TMEM135: variants seen among roughly 807,000 people sequenced by gnomAD.
The protein encoded by TMEM135 is transmembrane protein 135.
A neutral mutation model predicts 60.3 loss-of-function variants in TMEM135; 30 were observed. That is an observed-to-expected ratio of 0.50 (90% CI 0.37 to 0.68). TMEM135 has a LOEUF of 0.68. Among genes scored for constraint, TMEM135 ranks in the 30% least tolerant of loss-of-function variants. TMEM135 has a pLI of 0.00. For synonymous variants in TMEM135, 190 were observed against 186.7 expected, an observed-to-expected ratio of 1.02 and a Z score of -0.14; for missense variants, 468 against 548.8, an observed-to-expected ratio of 0.85 and a Z score of 1.47.
At chr11:87,248,819 G>A (rs1047804686) in intron 6 of TMEM135, among the ~76,000 whole-genome samples, 3 of 152,010 alleles carry the variant, frequency 2.0e-5, no homozygotes, top group African/African-American at 7.2e-5. Flanking sequence ...TCATTGTAGA[G>A]ATCTTCCATT....
intron 6 of TMEM135, among the ~76,000 whole-genome samples, chr11:87,294,756 C>A (rs944343393): frequency 5.3e-5 from 8 of 152,218 alleles, no homozygotes; most frequent in African/African-American, 1.2e-4. Context: ...AATAAATACT[C>A]AAAGTCCCTT....
intron 5 of TMEM135, among the ~76,000 whole-genome samples, chr11:87,222,249 C>A (rs1940640866): frequency 6.7e-6 from 1 of 150,084 alleles, no homozygotes. Flanking sequence ...GTAATCCCAG[C>A]ACTTTGGGTG....
chr11:87,148,665 A>T (rs1352743701), intron 4 of TMEM135, among the ~76,000 whole-genome samples: 1 of 152,174 alleles, frequency 6.6e-6, no homozygotes, highest in African/African-American at 2.4e-5. Context: ...TAAAAATCAT[A>T]TCACTAGATT....
chr11:87,146,306 A>C, intron 4 of TMEM135, among the ~76,000 whole-genome samples: 1 of 141,484 alleles, frequency 7.1e-6, no homozygotes, highest in South Asian at 2.4e-4. Flanking sequence ...AGTTGAACTC[A>C]GGAGTTTTTT....
intron 3 of TMEM135, among the ~76,000 whole-genome samples, chr11:87,091,107 A>G (rs760373115): frequency 6.6e-6 from 1 of 152,090 alleles, no homozygotes; most frequent in Admixed American, 6.6e-5. Flanking sequence ...GGAAATAGTA[A>G]TTTTAAATAT....
In TMEM135 at chr11:87,324,279, C is replaced by T. The variant is rs1188867092; in HGVS notation, c.*2946C>T. ...ACTCTCAGGGAGCTTCGTCCACTTG[C>T]CTGTGTCACAACCTCTCCCTTGGTG... On this transcript the variant is annotated 3_prime_UTR_variant, in exon 15 of 15. Transcript: ENST00000305494. 3 of 454,020 alleles carry T rather than the reference C, an allele frequency of 6.6e-6. No individual in the cohort carries two copies. The highest frequency in any genetic ancestry group is 2.3e-5 in the Admixed American group (1 of 42,560). The allele number at this position is 454,020 out of a possible 1,614,324, so 28.1% of individuals were successfully genotyped here.
Position 87,120,111 on chromosome 11 carries a change from T to G in TMEM135, c.396+28716T>G, listed in dbSNP as rs796469155. On this transcript the variant is annotated intron_variant, in intron 4 of 14. Coordinates refer to ENST00000305494, the MANE Select transcript of TMEM135 (RefSeq NM_022918.4). ...AACTTATTAGTCTGTTTTTTTCTTC[T>G]TCTTCTTTTTTTTTTTTTTTTGAGA... Among the ~76,000 whole-genome samples the G allele has an allele frequency of 7.9e-4, 77 of 97,894 alleles. 1 individual carries two copies. Among genetic ancestry groups the G allele is most frequent in the East Asian group, 2.7e-3 (6 of 2,240 alleles). The allele number at this position is 97,894 out of a possible 152,430, so 64.2% of individuals were successfully genotyped here.
chr11:87,152,714 C>T (rs1938588065), intron 4 of TMEM135, among the ~76,000 whole-genome samples: 1 of 152,244 alleles, frequency 6.6e-6, no homozygotes, highest in Non-Finnish European at 1.5e-5. Context: ...GCTGGGATTA[C>T]AGGCATGAGC....
intron 5 of TMEM135, among the ~76,000 whole-genome samples, chr11:87,158,664 C>T (rs576254745): frequency 2.6e-5 from 4 of 152,000 alleles, no homozygotes; most frequent in East Asian, 3.9e-4. Flanking sequence ...CGAGGTTTCA[C>T]CATGTTAGCC....
intron 6 of TMEM135, among the ~76,000 whole-genome samples, chr11:87,252,868 T>C (rs1164969103): frequency 2.0e-5 from 3 of 150,778 alleles, no homozygotes; most frequent in African/African-American, 7.3e-5. Context: ...AAGCCATTAT[T>C]CCTCAGAAGA....
intron 10 of TMEM135, among the ~76,000 whole-genome samples, chr11:87,310,510 A>C (rs1181851124): frequency 6.6e-6 from 1 of 151,760 alleles, no homozygotes; most frequent in African/African-American, 2.4e-5. Context: ...CAAGGATTGA[A>C]AAACTAGTGC....
intron 8 of TMEM135, 115 bp from the exon 9 acceptor site, chr11:87,305,821 C>CTG: frequency 2.1e-6 from 1 of 473,658 alleles, no homozygotes; most frequent in African/African-American, 2.2e-5. Context: ...ATGTTTTCTT[C>CTG]TCTCTCTTTT....
chr11:87,211,225 A>G (rs1940361938), intron 5 of TMEM135, among the ~76,000 whole-genome samples: 1 of 152,210 alleles, frequency 6.6e-6, no homozygotes, highest in Non-Finnish European at 1.5e-5. Flanking sequence ...ATAACACACT[A>G]CATCTTAGAA....
At chr11:87,119,027 A>G (rs1338971557) in intron 4 of TMEM135, among the ~76,000 whole-genome samples, 5 of 152,280 alleles carry the variant, frequency 3.3e-5, no homozygotes, top group African/African-American at 1.2e-4. Context: ...TCGTGTATTC[A>G]CTGTTATAGC....
At position 87,323,167 on chromosome 11, in the gene TMEM135, ATTGT is replaced by A; in HGVS notation, c.*1837_*1840del. On this transcript the variant is annotated 3_prime_UTR_variant, in exon 15 of 15. Transcript: ENST00000305494. ...AAGATGAATTACGAAATTTGCTGAG[ATTGT>A]TTAGTAAAATTTTGCTGGTCAAAAA... 1 of 453,996 alleles carries A rather than the reference ATTGT, an allele frequency of 2.2e-6. No individual in the cohort carries two copies. Among genetic ancestry groups the A allele is most frequent in the Non-Finnish European group, 4.4e-6 (1 of 226,694 alleles). 28.1% of individuals were successfully genotyped at this position (453,996 alleles called of 1,614,324 possible).
At chr11:87,188,024 A>G (rs1209670929) in intron 5 of TMEM135, among the ~76,000 whole-genome samples, 1 of 152,196 alleles carries the variant, frequency 6.6e-6, no homozygotes, top group Non-Finnish European at 1.5e-5. Flanking sequence ...TTTGCTAAAG[A>G]TTATTTATTC....
chr11:87,297,040 T>C (rs1307736504), intron 7 of TMEM135, among the ~76,000 whole-genome samples: 1 of 152,118 alleles, frequency 6.6e-6, no homozygotes, highest in African/African-American at 2.4e-5. Flanking sequence ...GTGGTTGACA[T>C]TGTTTCAGAA....
In TMEM135 at chr11:87,328,711, G is replaced by A; in HGVS notation, c.*7378G>A. ...TTTTATGGCTGAGTAGTATTCCATGGTGCATATATACCACATTTTCTTTAT... is the reference window on the plus strand; with the variant it reads ...TTTTATGGCTGAGTAGTATTCCATGATGCATATATACCACATTTTCTTTAT... On this transcript the variant is annotated 3_prime_UTR_variant, in exon 15 of 15. Coordinates refer to ENST00000305494, the MANE Select transcript of TMEM135 (RefSeq NM_022918.4). 1 of 454,034 alleles carries A rather than the reference G, an allele frequency of 2.2e-6. No homozygotes were observed. The highest frequency in any genetic ancestry group is 4.4e-6 in the Non-Finnish European group (1 of 226,780). The allele number at this position is 454,034 out of a possible 1,614,324, so 28.1% of individuals were successfully genotyped here.
intron 4 of TMEM135, among the ~76,000 whole-genome samples, chr11:87,145,704 T>G (rs76830221): frequency 0.1 from 15,654 of 152,110 alleles, 837 homozygotes; most frequent in African/African-American, 0.12. Context: ...TTTTCATGTA[T>G]CTGTTGACCA....
Sources: gnomAD v4.1 joint callset for allele counts (sites outside exome capture counted in the v4.1 genomes callset) on GRCh38, gnomAD v4.1.1 for gene constraint, MANE v1.5 for transcripts, NCBI Gene and HGNC (gene_info 2026-07-23, HGNC 2026-07-21) for gene names.